Variants in PIP4K2A observed in about 807,000 individuals in gnomAD.
PIP4K2A encodes phosphatidylinositol 5-phosphate 4-kinase type-2 alpha.
PIP4K2A carries 14 observed loss-of-function variants against 42.9 expected under a neutral mutation model. The ratio of observed to expected loss-of-function variants is 0.33; its 90% CI spans 0.22 to 0.51. The LOEUF (loss-of-function observed/expected upper bound fraction) is 0.51. PIP4K2A is among the 20% of genes least tolerant of loss of function. PIP4K2A has a pLI of 0.97. For missense variants in PIP4K2A, 434 were observed against 519.8 expected, an observed-to-expected ratio of 0.83 and a Z score of 1.61; for synonymous variants, 192 against 192.2, an observed-to-expected ratio of 1.00 and a Z score of 0.01.
intron 6 of PIP4K2A, among the ~76,000 whole-genome samples, chr10:22,567,244 T>C (rs886794498): frequency 5.3e-5 from 8 of 152,224 alleles, no homozygotes; most frequent in African/African-American, 1.9e-4. Context: ...TCAAGTTGAC[T>C]CTCTCTATAA....
At chr10:22,586,578 T>C (rs1428775322) in intron 4 of PIP4K2A, among the ~76,000 whole-genome samples, 1 of 152,224 alleles carries the variant, frequency 6.6e-6, no homozygotes, top group Non-Finnish European at 1.5e-5. Context: ...TTACCCAGGC[T>C]GGAGTGCAGT....
chr10:22,556,880 G>T (rs1836564769), intron 6 of PIP4K2A, among the ~76,000 whole-genome samples: 2 of 152,014 alleles, frequency 1.3e-5, no homozygotes, highest in South Asian at 2.1e-4. Flanking sequence ...AGCATCACAG[G>T]CCTCAGCAAG....
chr10:22,553,821 C>G (rs1335714786), intron 6 of PIP4K2A, among the ~76,000 whole-genome samples: 1 of 102,970 alleles, frequency 9.7e-6, no homozygotes, highest in African/African-American at 3.7e-5. Flanking sequence ...TTTACAAAAA[C>G]TTAACTGTTC....
chr10:22,567,697 G>C (rs1363971471), intron 6 of PIP4K2A, 154 bp downstream of exon 6: 2 of 779,370 alleles, frequency 2.6e-6, no homozygotes, highest in South Asian at 1.4e-5. Flanking sequence ...AACTCTCATC[G>C]GGTCAATACA....
chr10:22,588,156 T>A, intron 4 of PIP4K2A, among the ~76,000 whole-genome samples: 1 of 152,260 alleles, frequency 6.6e-6, no homozygotes, highest in East Asian at 1.9e-4. Context: ...GTGTCACCTA[T>A]ACATTTCCTT....
At chr10:22,579,819 G>C (rs1167261615) in intron 4 of PIP4K2A, among the ~76,000 whole-genome samples, 1 of 149,222 alleles carries the variant, frequency 6.7e-6, no homozygotes, top group Non-Finnish European at 1.5e-5. Flanking sequence ...TGAGGCAGGA[G>C]AATCGCCTGA....
At chr10:22,541,724 G>A (rs1836118996) in intron 8 of PIP4K2A, 80 bp downstream of exon 8, 15 of 1,459,752 alleles carry the variant, frequency 1.0e-5, no homozygotes, top group Admixed American at 2.5e-5. Context: ...CTCATAACTG[G>A]GGTAGTGCTT....
chr10:22,676,621 T>C (rs1050906942), intron 1 of PIP4K2A, among the ~76,000 whole-genome samples: 1 of 152,118 alleles, frequency 6.6e-6, no homozygotes, highest in South Asian at 2.1e-4. Flanking sequence ...GGCTCAGTGA[T>C]GGGCTGATAA....
intron 1 of PIP4K2A, among the ~76,000 whole-genome samples, chr10:22,659,974 G>A (rs1009522083): frequency 1.3e-5 from 2 of 152,130 alleles, no homozygotes; most frequent in Non-Finnish European, 2.9e-5. Context: ...CTTGTCTTGC[G>A]AAGCAGAGCT....
chr10:22,596,047 A>T (rs1837626230), intron 3 of PIP4K2A, among the ~76,000 whole-genome samples: 1 of 151,364 alleles, frequency 6.6e-6, no homozygotes, highest in Admixed American at 6.6e-5. Flanking sequence ...CTCTACTAAA[A>T]ATACAAAATT....
chr10:22,567,815 C>T (rs757781402), intron 6 of PIP4K2A, 36 bp downstream of exon 6: 2 of 1,573,862 alleles, frequency 1.3e-6, no homozygotes, highest in Non-Finnish European at 1.7e-6. Context: ...TGATCATGCC[C>T]CCAGGACATG....
chr10:22,578,846 A>G (rs1837186382), intron 4 of PIP4K2A, among the ~76,000 whole-genome samples: 1 of 152,264 alleles, frequency 6.6e-6, no homozygotes, highest in African/African-American at 2.4e-5. Context: ...CAACTGTTGA[A>G]TAAATGAATC....
chr10:22,685,903 T>G (rs1323604431), intron 1 of PIP4K2A, among the ~76,000 whole-genome samples: 1 of 152,216 alleles, frequency 6.6e-6, no homozygotes, highest in Admixed American at 6.5e-5. Flanking sequence ...TTACCTATTT[T>G]GTTGTTTGTA....
rs576573465 is a variant in PIP4K2A, at chr10:22,582,671, A to G, written c.492+8958T>C. On this transcript the variant is annotated intron_variant, in intron 4 of 9. Coordinates refer to ENST00000376573, the MANE Select transcript of PIP4K2A (RefSeq NM_005028.5). Reference sequence around the variant, plus strand: ...GCTATGTTTAGAGATTATTCCTACAATATACTTCACATGAAAGAAAAGGAA... The same window carrying G: ...GCTATGTTTAGAGATTATTCCTACAGTATACTTCACATGAAAGAAAAGGAA... Among the ~76,000 whole-genome samples the G allele has an allele frequency of 3.9e-5, 6 of 152,292 alleles. No homozygotes were observed. The East Asian group carries it at 7.7e-4, about 20-fold the overall frequency.
At chr10:22,562,592 C>A (rs941938216) in intron 6 of PIP4K2A, among the ~76,000 whole-genome samples, 1 of 152,168 alleles carries the variant, frequency 6.6e-6, no homozygotes, top group African/African-American at 2.4e-5. Context: ...CATTTCATTT[C>A]ATCTATTACA....
intron 1 of PIP4K2A, among the ~76,000 whole-genome samples, chr10:22,677,527 C>G (rs746692155): frequency 1.3e-5 from 2 of 152,158 alleles, no homozygotes; most frequent in Non-Finnish European, 2.9e-5. Context: ...ACACGTGGCT[C>G]GTGGCTGCAT....
intron 7 of PIP4K2A, among the ~76,000 whole-genome samples, chr10:22,548,058 G>A (rs2130754277): frequency 6.6e-6 from 1 of 152,304 alleles, no homozygotes; most frequent in East Asian, 1.9e-4. Context: ...GGGTCAGTCA[G>A]CTAAATTAGA....
chr10:22,565,272 C>T (rs1836818289), intron 6 of PIP4K2A, among the ~76,000 whole-genome samples: 1 of 152,210 alleles, frequency 6.6e-6, no homozygotes, highest in Non-Finnish European at 1.5e-5. Flanking sequence ...TATCTCTGTT[C>T]TGACGCCGCA....
intron 1 of PIP4K2A, among the ~76,000 whole-genome samples, chr10:22,633,050 A>T (rs972865096): frequency 2.0e-5 from 3 of 152,158 alleles, no homozygotes; most frequent in African/African-American, 7.2e-5. Flanking sequence ...CCTCCCATGT[A>T]ACCACCTTAA....
Sources: gnomAD v4.1 joint callset for allele counts (sites outside exome capture counted in the v4.1 genomes callset) on GRCh38, gnomAD v4.1.1 for gene constraint, MANE v1.5 for transcripts, NCBI Gene and HGNC (gene_info 2026-07-23, HGNC 2026-07-21) for gene names.